Variants in OTUD7A observed in about 807,000 individuals in gnomAD.
OTUD7A encodes the protein OTU domain-containing protein 7A.
OTUD7A carries 12 observed loss-of-function variants against 65.7 expected under a neutral mutation model. That is an observed-to-expected ratio of 0.18 (90% CI 0.12 to 0.30). The LOEUF (loss-of-function observed/expected upper bound fraction) is 0.30. Among genes scored for constraint, OTUD7A ranks in the 10% least tolerant of loss-of-function variants. The pLI, the probability that OTUD7A is intolerant of heterozygous loss-of-function variation, is 1.00. For missense variants in OTUD7A, 1,148 were observed against 1,304.8 expected (o/e 0.88, Z 1.85); for synonymous variants, 641 against 586.3 (o/e 1.09, Z -1.35).
At chr15:31,633,669 G>T (rs1409242491) in intron 3 of OTUD7A, among the ~76,000 whole-genome samples, 1 of 152,144 alleles carries the variant, frequency 6.6e-6, no homozygotes, top group Admixed American at 6.5e-5. Context: ...CAGATATGCT[G>T]CCATGACCAC....
chr15:31,786,723 T>C (rs1895683509), intron 1 of OTUD7A, among the ~76,000 whole-genome samples: 1 of 152,134 alleles, frequency 6.6e-6, no homozygotes, highest in Admixed American at 6.5e-5. Flanking sequence ...CAAGCAGGTA[T>C]AGTTGCCTTG....
chr15:31,739,777 G>C (rs1469435761), intron 1 of OTUD7A, among the ~76,000 whole-genome samples: 1 of 152,100 alleles, frequency 6.6e-6, no homozygotes, highest in African/African-American at 2.4e-5. Flanking sequence ...TTGCCATGTT[G>C]GACAGGCTGG....
At chr15:31,486,038 G>A (rs72724985) in intron 12 of OTUD7A, among the ~76,000 whole-genome samples, 1 of 152,122 alleles carries the variant, frequency 6.6e-6, no homozygotes, top group East Asian at 1.9e-4. Context: ...TAGCAGGAGC[G>A]CACTGAGAGC....
chr15:31,792,130 C>G (rs1895833814), intron 1 of OTUD7A, among the ~76,000 whole-genome samples: 1 of 152,220 alleles, frequency 6.6e-6, no homozygotes, highest in Non-Finnish European at 1.5e-5. Flanking sequence ...TCCTCAGCAA[C>G]TATGTGCAAT....
intron 2 of OTUD7A, among the ~76,000 whole-genome samples, chr15:31,655,567 A>G (rs2141278401): frequency 6.6e-6 from 1 of 152,218 alleles, no homozygotes; most frequent in East Asian, 1.9e-4. Context: ...AGACAGTGCC[A>G]TCTATGAAGC....
intron 3 of OTUD7A, among the ~76,000 whole-genome samples, chr15:31,649,109 G>T (rs182103683): frequency 1.3e-5 from 2 of 152,282 alleles, no homozygotes; most frequent in African/African-American, 4.8e-5. Flanking sequence ...GGGGATTCAG[G>T]GCTTAAACAT....
At chr15:31,570,301 T>A in intron 3 of OTUD7A, 104 bp from the exon 4 acceptor site, 18 of 1,302,562 alleles carry the variant, frequency 1.4e-5, no homozygotes, top group Non-Finnish European at 1.9e-5. Flanking sequence ...GGACATAAAC[T>A]AATGAATTTT....
chr15:31,689,391 A>G lies in OTUD7A; in HGVS notation c.-99-32314T>C, dbSNP rs539332947. 6.6e-5 allele frequency: 10 copies of G among 151,042 alleles called. No homozygotes were observed. In the South Asian group the frequency reaches 2.1e-3, roughly 32 times the overall value. 9.4% of individuals were successfully genotyped at this position (151,042 alleles called of 1,614,324 possible). ...ACACCTGATTCTGGAGGTGTGTGGC[A>G]GTCAGGCATGCAGGCCAACACTGCG... On this transcript the variant is annotated intron_variant, in intron 1 of 12. Transcript: ENST00000307050.
intron 1 of OTUD7A, among the ~76,000 whole-genome samples, chr15:31,849,875 G>A (rs1343647209): frequency 6.6e-6 from 1 of 152,182 alleles, no homozygotes; most frequent in Non-Finnish European, 1.5e-5. Context: ...CAGTTAGAAT[G>A]GTGATCATTA....
rs1226349055 is a variant in OTUD7A at position 31,484,749 on chromosome 15, C to T, written c.1372-25G>A. ...CCTGTGTGGAGAGGGAGGGCCGGAT[C>T]GAAGGTGGTTAGAGAAGAGCTGTCC... On this transcript the variant is annotated intron_variant, in intron 12 of 12. Transcript: ENST00000307050. The surrounding 1 kb of genome is among the most constrained non-coding windows in gnomAD (Gnocchi z 4.5). 1.9e-6 allele frequency: 3 copies of T among 1,585,942 alleles called. No individual in the cohort carries two copies. Among genetic ancestry groups the T allele is most frequent in the Non-Finnish European group, 2.6e-6 (3 of 1,173,014 alleles).
chr15:31,817,214 A>C (rs1446113941), intron 1 of OTUD7A, among the ~76,000 whole-genome samples: 1 of 151,384 alleles, frequency 6.6e-6, no homozygotes, highest in Admixed American at 6.6e-5. Flanking sequence ...TTTTCATCCA[A>C]TTTAAGTCAG....
chr15:31,737,985 T>A (rs1332792926), intron 1 of OTUD7A, among the ~76,000 whole-genome samples: 1 of 152,236 alleles, frequency 6.6e-6, no homozygotes, highest in Non-Finnish European at 1.5e-5. Context: ...ATAGTATCTG[T>A]TAGCTCAAGG....
chr15:31,559,127 G>C lies in OTUD7A; in HGVS notation c.392C>G (p.Ser131Cys). 1 of 1,614,204 alleles carries C rather than the reference G, an allele frequency of 6.2e-7. No homozygotes were observed. Among genetic ancestry groups the C allele is most frequent in the Non-Finnish European group, 8.5e-7 (1 of 1,180,018 alleles). ...ASSAIVSLARSHVASECNNEQ... is the reference protein window; with the variant it reads ...ASSAIVSLARCHVASECNNEQ... The stretch of plus-strand genomic sequence containing the variant: ...GTTGTTGCATTCACTTGCCACGTGG[G>C]ACCGGGCCAGGGAGACGATGGCTGA... The change falls in exon 5 of 13, where the codon TCC becomes TGC. Residue 131 changes from serine (S) to cysteine (C), a missense_variant. By Grantham distance (112) the Ser-to-Cys change is moderately radical (BLOSUM62 -1). Transcript: ENST00000307050.
intron 8 of OTUD7A, among the ~76,000 whole-genome samples, chr15:31,506,978 T>C (rs975178823): frequency 3.9e-5 from 6 of 152,218 alleles, no homozygotes; most frequent in African/African-American, 1.4e-4. Flanking sequence ...ACAAATGTAA[T>C]AGTGTAATAA....
intron 5 of OTUD7A, among the ~76,000 whole-genome samples, chr15:31,547,370 C>T (rs1419870306): frequency 6.6e-6 from 1 of 152,150 alleles, no homozygotes; most frequent in Non-Finnish European, 1.5e-5. Context: ...CTTATTTTTA[C>T]CCAGAATTGT....
At chr15:31,846,694 C>G (rs1473433993) in intron 1 of OTUD7A, among the ~76,000 whole-genome samples, 1 of 152,116 alleles carries the variant, frequency 6.6e-6, no homozygotes, top group Admixed American at 6.5e-5. Flanking sequence ...GCCACTGAAA[C>G]CTCGGTTTAA....
At chr15:31,821,579 A>C (rs1328710101) in intron 1 of OTUD7A, among the ~76,000 whole-genome samples, 2 of 152,162 alleles carry the variant, frequency 1.3e-5, no homozygotes, top group East Asian at 3.8e-4. Flanking sequence ...AATAATGATA[A>C]TAAACACTCA....
chr15:31,828,484 T>C (rs1267707850), intron 1 of OTUD7A, among the ~76,000 whole-genome samples: 1 of 152,232 alleles, frequency 6.6e-6, no homozygotes, highest in Non-Finnish European at 1.5e-5. Context: ...TCTCTTCTCA[T>C]AGTATATTGT....
intron 3 of OTUD7A, among the ~76,000 whole-genome samples, chr15:31,638,837 C>G (rs1891423053): frequency 6.6e-6 from 1 of 152,118 alleles, no homozygotes; most frequent in Admixed American, 6.6e-5. Context: ...ATATACCACT[C>G]TCAAAAGATT....
Sources: allele counts gnomAD v4.1 joint callset (sites outside exome capture counted in the v4.1 genomes callset), GRCh38; gene constraint gnomAD v4.1.1; non-coding constraint Gnocchi (gnomAD v3.1); transcripts MANE v1.5; gene names NCBI Gene and HGNC (gene_info 2026-07-23, HGNC 2026-07-21).